KCTD16: variants seen among roughly 807,000 people sequenced by gnomAD.
The protein encoded by KCTD16 is potassium channel tetramerization domain containing 16.
KCTD16 carries 13 observed loss-of-function variants against 33.2 expected under a neutral mutation model. The observed-to-expected ratio is 0.39, with a 90% CI of 0.25 to 0.62. The LOEUF (loss-of-function observed/expected upper bound fraction) is 0.62, where lower values mean the gene tolerates loss of function less well. KCTD16 is among the 20% of genes least tolerant of loss of function. The pLI, the probability that KCTD16 is intolerant of heterozygous loss-of-function variation, is 0.50. For missense variants in KCTD16, 441 were observed against 525.1 expected (o/e 0.84, Z 1.57); for synonymous variants, 197 against 195.3 (o/e 1.01, Z -0.07).
intron 3 of KCTD16, among the ~76,000 whole-genome samples, chr5:144,241,009 G>A (rs1754387065): frequency 6.6e-6 from 1 of 152,090 alleles, no homozygotes; most frequent in Non-Finnish European, 1.5e-5. Context: ...GAAGAGGGAG[G>A]TGGCAAGCTC....
chr5:144,175,024 C>T (rs1030954569), intron 2 of KCTD16, among the ~76,000 whole-genome samples: 4 of 152,164 alleles, frequency 2.6e-5, no homozygotes, highest in South Asian at 2.1e-4. Context: ...AAAAACAGCA[C>T]GGGAGAACTC....
intron 3 of KCTD16, among the ~76,000 whole-genome samples, chr5:144,308,836 C>T (rs1308048313): frequency 7.0e-6 from 1 of 143,108 alleles, no homozygotes; most frequent in Non-Finnish European, 1.5e-5. Flanking sequence ...AGTGTGATGG[C>T]TTCTCCCTCC....
intron 3 of KCTD16, among the ~76,000 whole-genome samples, chr5:144,338,471 G>A (rs959774294): frequency 6.6e-6 from 1 of 152,146 alleles, no homozygotes; most frequent in African/African-American, 2.4e-5. Flanking sequence ...TGTATGTAGT[G>A]CATATGGATC....
intron 3 of KCTD16, among the ~76,000 whole-genome samples, chr5:144,388,323 C>T (rs1170722733): frequency 2.6e-5 from 4 of 151,880 alleles, no homozygotes; most frequent in Admixed American, 6.6e-5. Flanking sequence ...CCTCGTGATC[C>T]GCCCACCTCG....
Position 144,474,173 on chromosome 5 carries a change from A to T in KCTD16, c.*59A>T. 1 of 1,321,916 alleles carries T rather than the reference A, an allele frequency of 7.6e-7. No homozygotes were observed. Among genetic ancestry groups the T allele is most frequent in the South Asian group, 1.4e-5 (1 of 70,220 alleles). 81.9% of individuals were successfully genotyped at this position (1,321,916 alleles called of 1,614,324 possible). On this transcript the variant is annotated 3_prime_UTR_variant, in exon 4 of 4. Transcript: ENST00000512467. ...GTCATTTTGAAATTAACCTCCTAAA[A>T]GGAATTCATATTTTAAAGGAAAAAA...
chr5:144,311,912 G>A (rs1415051827), intron 3 of KCTD16, among the ~76,000 whole-genome samples: 3 of 151,860 alleles, frequency 2.0e-5, no homozygotes, highest in African/African-American at 7.3e-5. Flanking sequence ...TGAATATTCT[G>A]GAGAAATAAC....
At chr5:144,388,368 A>G (rs2126936581) in intron 3 of KCTD16, among the ~76,000 whole-genome samples, 1 of 152,228 alleles carries the variant, frequency 6.6e-6, no homozygotes, top group East Asian at 1.9e-4. Context: ...GGCGTGAGCC[A>G]CCGCGCCCGG....
intron 2 of KCTD16, among the ~76,000 whole-genome samples, chr5:144,188,273 C>A (rs1175526907): frequency 2.0e-5 from 3 of 152,116 alleles, no homozygotes; most frequent in African/African-American, 7.2e-5. Flanking sequence ...TAGCTTTGTA[C>A]CTCTTCCAGA....
intron 3 of KCTD16, among the ~76,000 whole-genome samples, chr5:144,416,105 A>G (rs973115679): frequency 3.9e-5 from 6 of 152,160 alleles, no homozygotes; most frequent in Admixed American, 2.6e-4. Context: ...ATAACTCTAC[A>G]AGGAAGGTAC....
intron 3 of KCTD16, chr5:144,439,262 T>C (rs562478408): frequency 2.8e-6 from 1 of 352,144 alleles, no homozygotes; most frequent in African/African-American, 2.2e-5. Flanking sequence ...GGTTTGAGTA[T>C]TGGCATGTCA....
At chr5:144,265,265 A>G (rs1230223095) in intron 3 of KCTD16, among the ~76,000 whole-genome samples, 2 of 152,194 alleles carry the variant, frequency 1.3e-5, no homozygotes, top group Non-Finnish European at 2.9e-5. Flanking sequence ...ACAAGCAGGT[A>G]AGATAGTTAA....
intron 3 of KCTD16, among the ~76,000 whole-genome samples, chr5:144,462,087 C>A (rs1754209309): frequency 6.6e-6 from 1 of 152,146 alleles, no homozygotes; most frequent in Non-Finnish European, 1.5e-5. Flanking sequence ...CCTACCCTGG[C>A]ATTTTTTAAT....
chr5:144,399,617 A>ACC (rs1752657714), intron 3 of KCTD16, among the ~76,000 whole-genome samples: 4 of 152,214 alleles, frequency 2.6e-5, no homozygotes, highest in Non-Finnish European at 4.4e-5. Context: ...ATTGATAGCT[A>ACC]GTCTAGTCCA....
At chr5:144,459,529 T>C (rs1754145740) in intron 3 of KCTD16, among the ~76,000 whole-genome samples, 1 of 151,858 alleles carries the variant, frequency 6.6e-6, no homozygotes, top group Non-Finnish European at 1.5e-5. Context: ...TCTGTATTTT[T>C]AGTAGAGACA....
intron 2 of KCTD16, among the ~76,000 whole-genome samples, chr5:144,187,690 C>G (rs1412565735): frequency 6.6e-6 from 1 of 152,116 alleles, no homozygotes; most frequent in African/African-American, 2.4e-5. Flanking sequence ...CAGTTGATCT[C>G]TGGATTTCTT....
intron 3 of KCTD16, among the ~76,000 whole-genome samples, chr5:144,277,281 C>T (rs1375356992): frequency 6.6e-6 from 1 of 152,110 alleles, no homozygotes; most frequent in Non-Finnish European, 1.5e-5. Context: ...TAGCTCAATG[C>T]TGCTGCTGAT....
chr5:144,272,404 T>A (rs1273890024), intron 3 of KCTD16, among the ~76,000 whole-genome samples: 1 of 152,064 alleles, frequency 6.6e-6, no homozygotes, highest in Non-Finnish European at 1.5e-5. Context: ...GACTCCAGCC[T>A]GGGCAACAAG....
At chr5:144,191,551 A>T (rs998346016) in intron 2 of KCTD16, among the ~76,000 whole-genome samples, 1 of 152,140 alleles carries the variant, frequency 6.6e-6, no homozygotes, top group Non-Finnish European at 1.5e-5. Context: ...GTGCAATAGC[A>T]ACTCTGTCTA....
intron 3 of KCTD16, among the ~76,000 whole-genome samples, chr5:144,347,055 G>T (rs1225043691): frequency 1.3e-5 from 2 of 152,052 alleles, no homozygotes; most frequent in Non-Finnish European, 2.9e-5. Context: ...TAGGGGTCTA[G>T]TGTTATTCTT....
Sources: allele counts gnomAD v4.1 joint callset (sites outside exome capture counted in the v4.1 genomes callset), GRCh38; gene constraint gnomAD v4.1.1; transcripts MANE v1.5; gene names NCBI Gene and HGNC (gene_info 2026-07-23, HGNC 2026-07-21).